The following PTPRQ variants were observed in gnomAD, a reference collection of about 807,000 sequenced individuals.
The protein encoded by PTPRQ is phosphatidylinositol phosphatase PTPRQ.
PTPRQ carries 199 observed loss-of-function variants against 246.0 expected under a neutral mutation model. The ratio of observed to expected loss-of-function variants is 0.81; its 90% CI spans 0.72 to 0.91. The LOEUF is 0.91. Ranked by LOEUF, PTPRQ falls within the 40% of genes least tolerant of loss-of-function variation. The pLI, the probability that PTPRQ is intolerant of heterozygous loss-of-function variation, is 0.00. For missense variants in PTPRQ, 2,624 were observed against 2,528.4 expected (o/e 1.04, Z -0.81); for synonymous variants, 869 against 853.2 (o/e 1.02, Z -0.32).
intron 16 of PTPRQ, 94 bp downstream of exon 16, chr12:80,506,764 A>G (rs1363027223): frequency 1.8e-6 from 2 of 1,130,350 alleles, no homozygotes; most frequent in East Asian, 2.8e-5. Context: ...TCCTCTAGTC[A>G]TGGGTATCAG....
Position 80,510,409 on chromosome 12 carries a change from A to G in PTPRQ, c.2644A>G (p.Asn882Asp), listed in dbSNP as rs539491933. 2.3e-5 allele frequency: 35 copies of G among 1,550,364 alleles called. No homozygotes were observed. Among genetic ancestry groups the G allele is most frequent in the Non-Finnish European group, 3.0e-5 (34 of 1,146,154 alleles). The change falls in exon 17 of 45, where the codon AAT (asparagine) becomes GAT (aspartate). Residue 882 changes from asparagine (N) to aspartate (D), a missense_variant. Coordinates refer to ENST00000644991, the MANE Select transcript of PTPRQ (RefSeq NM_001145026.2). ...GTCATGGCAACCACCCCTGGAGCCAAATGGAATTATCCTTTATTACACAGT... is the reference window on the plus strand; with the variant it reads ...GTCATGGCAACCACCCCTGGAGCCAGATGGAATTATCCTTTATTACACAGT... ...KLSWQPPLEP[N>D]GIILYYTVYV...
At position 80,648,272 on chromosome 12, in the gene PTPRQ, T is replaced by A. The variant is rs550786370; in HGVS notation, c.5916-625T>A. On this transcript the variant is annotated intron_variant, in intron 35 of 44. Transcript: ENST00000644991. ...GCTAATTTGTTGTGCATGACGTAAG[T>A]GTTATTAATGATACGCCCCTCTCTA... 2.3e-4 allele frequency among the ~76,000 whole-genome samples: 35 copies of A among 152,234 alleles called. No homozygotes were observed. In the South Asian group the frequency reaches 7.2e-3, roughly 32 times the overall value.
At chr12:80,603,935 T>G (rs940434573) in intron 26 of PTPRQ, among the ~76,000 whole-genome samples, 1 of 151,672 alleles carries the variant, frequency 6.6e-6, no homozygotes, top group Non-Finnish European at 1.5e-5. Context: ...TGGCAAATAC[T>G]GAACTAGCCA....
chr12:80,677,829 T>C (rs915900768), intron 43 of PTPRQ, among the ~76,000 whole-genome samples: 2 of 152,204 alleles, frequency 1.3e-5, no homozygotes, highest in Non-Finnish European at 2.9e-5. Flanking sequence ...TCTTAAACAT[T>C]TGATGATATT....
At chr12:80,455,620 T>C (rs1483841716) in intron 3 of PTPRQ, among the ~76,000 whole-genome samples, 1 of 149,712 alleles carries the variant, frequency 6.7e-6, no homozygotes, top group African/African-American at 2.5e-5. Context: ...AGATGGACTC[T>C]CGCTCTGTCG....
chr12:80,614,581 T>G (rs938403450), intron 29 of PTPRQ, among the ~76,000 whole-genome samples: 1 of 150,896 alleles, frequency 6.6e-6, no homozygotes, highest in Non-Finnish European at 1.5e-5. Flanking sequence ...TATTTACTAC[T>G]TCTCTCAGTC....
rs531285757 is a variant in PTPRQ, at chr12:80,444,966, A to G, written c.163+117A>G. 83 of 1,186,644 alleles carry G rather than the reference A, an allele frequency of 7.0e-5. No homozygotes were observed. In the African/African-American group the frequency reaches 1.2e-3, roughly 17 times the overall value. 73.5% of individuals were successfully genotyped at this position (1,186,644 alleles called of 1,614,324 possible). The stretch of plus-strand genomic sequence containing the variant: ...ATTAAATTCATGAAAACAGTGTAGA[A>G]TAAGGCAAAATGGAAACAAGAAAGT... On this transcript the variant is annotated intron_variant, in intron 2 of 44. Coordinates refer to ENST00000644991, the MANE Select transcript of PTPRQ (RefSeq NM_001145026.2).
At chr12:80,643,147 G>C (rs1214461900) in intron 35 of PTPRQ, among the ~76,000 whole-genome samples, 1 of 151,138 alleles carries the variant, frequency 6.6e-6, no homozygotes, top group African/African-American at 2.4e-5. Flanking sequence ...ATTTAAAAAA[G>C]TATTACATGG....
chr12:80,673,986 T>C (rs1254065264), intron 43 of PTPRQ, among the ~76,000 whole-genome samples: 1 of 152,118 alleles, frequency 6.6e-6, no homozygotes, highest in East Asian at 1.9e-4. Context: ...AAATTCTTTA[T>C]TTGTAAGGCA....
At chr12:80,642,894 T>G (rs1899920711) in intron 35 of PTPRQ, among the ~76,000 whole-genome samples, 1 of 115,394 alleles carries the variant, frequency 8.7e-6, no homozygotes, top group Non-Finnish European at 1.6e-5. Flanking sequence ...CACTCCAGCC[T>G]GGGCGACAGA....
rs560120611 is a variant in PTPRQ at position 80,510,568 on chromosome 12, A to C, written c.2678+125A>C. On this transcript the variant is annotated intron_variant, in intron 17 of 44. Transcript: ENST00000644991. ...GAACCTGATTATTAATAGGCTAGTT[A>C]ATATGTTTTGATTAAGAAACAAGTT... The C allele has an allele frequency of 4.1e-5, 41 of 999,078 alleles. No individual in the cohort carries two copies. In the East Asian group the frequency reaches 1.2e-3, roughly 28 times the overall value. The allele number at this position is 999,078 out of a possible 1,614,324, so 61.9% of individuals were successfully genotyped here. A position where few individuals can be genotyped will look rare whatever the true frequency, so the allele number is the denominator to read the frequency against.
chr12:80,495,465 C>T (rs2120653559), intron 12 of PTPRQ, 94 bp downstream of exon 12: 2 of 1,391,456 alleles, frequency 1.4e-6, no homozygotes, highest in South Asian at 1.7e-5. Flanking sequence ...TTATATACTA[C>T]AGAACACATG....
intron 25 of PTPRQ, among the ~76,000 whole-genome samples, chr12:80,554,854 T>TC (rs1896598285): frequency 6.6e-6 from 1 of 152,184 alleles, no homozygotes; most frequent in Non-Finnish European, 1.5e-5. Flanking sequence ...GTGATCCTTC[T>TC]ACCTCAGCCT....
intron 20 of PTPRQ, among the ~76,000 whole-genome samples, chr12:80,541,257 T>C (rs575213460): frequency 6.6e-6 from 1 of 151,932 alleles, no homozygotes; most frequent in South Asian, 2.1e-4. Context: ...CATACACATA[T>C]TATGCACACA....
intron 34 of PTPRQ, chr12:80,634,737 T>TA: frequency 3.2e-6 from 2 of 616,576 alleles, no homozygotes; most frequent in Non-Finnish European, 4.8e-6. Context: ...CCCAATAACT[T>TA]ATTAGAAAAA....
chr12:80,561,981 A>G (rs542364819), intron 25 of PTPRQ, among the ~76,000 whole-genome samples: 27 of 152,212 alleles, frequency 1.8e-4, no homozygotes, highest in African/African-American at 6.5e-4. Flanking sequence ...TTTATCTTAA[A>G]TGGGGGTTAA....
At chr12:80,527,120 A>C (rs185064774) in intron 17 of PTPRQ, among the ~76,000 whole-genome samples, 2 of 152,164 alleles carry the variant, frequency 1.3e-5, no homozygotes, top group Admixed American at 6.5e-5. Flanking sequence ...TAAAAAGGCC[A>C]TCTTTCTTAT....
chr12:80,506,307 G>T (rs1446679616), intron 15 of PTPRQ, 101 bp downstream of exon 15: 1 of 1,275,692 alleles, frequency 7.8e-7, no homozygotes, highest in Non-Finnish European at 1.0e-6. Context: ...TTCATGCAGG[G>T]TATTACAATT....
intron 25 of PTPRQ, among the ~76,000 whole-genome samples, chr12:80,586,038 C>T (rs1308854122): frequency 1.3e-5 from 2 of 151,756 alleles, no homozygotes; most frequent in Non-Finnish European, 2.9e-5. Context: ...TCCAATTTCA[C>T]CCATGTCCCT....
Sources: allele counts gnomAD v4.1 joint callset (sites outside exome capture counted in the v4.1 genomes callset), GRCh38; gene constraint gnomAD v4.1.1; transcripts MANE v1.5; gene names NCBI Gene and HGNC (gene_info 2026-07-23, HGNC 2026-07-21).